PROM1: variants seen among roughly 807,000 people sequenced by gnomAD.
The protein encoded by PROM1 is prominin-1.
PROM1 carries 105 observed loss-of-function variants against 116.9 expected under a neutral mutation model. The ratio of observed to expected loss-of-function variants is 0.90; its 90% CI spans 0.77 to 1.06. The LOEUF (loss-of-function observed/expected upper bound fraction) is 1.06. PROM1 is among the 50% of genes least tolerant of loss of function. PROM1 has a pLI of 0.00. For synonymous variants in PROM1, 393 were observed against 387.0 expected (o/e 1.02, Z -0.18); for missense variants, 1,122 against 1,045.2 (o/e 1.07, Z -1.01).
At position 15,968,808 on chromosome 4, in the gene PROM1, G is replaced by A. The variant is rs185231288; in HGVS notation, c.*585C>T. 1 of 152,280 alleles carries A rather than the reference G, an allele frequency of 6.6e-6. No individual in the cohort carries two copies. The highest frequency in any genetic ancestry group is 1.5e-5 in the Non-Finnish European group (1 of 68,022). The allele number at this position is 152,280 out of a possible 1,614,324, so 9.4% of individuals were successfully genotyped here. On this transcript the variant is annotated 3_prime_UTR_variant, in exon 28 of 28. Transcript: ENST00000447510. ...ATGAAAATCTCTGCGTGAAGAATAT[G>A]CTGTAGGTTTCACACACTTTTAGTG...
At chr4:15,990,075 C>T (rs754093548) in intron 18 of PROM1, among the ~76,000 whole-genome samples, 5 of 152,170 alleles carry the variant, frequency 3.3e-5, no homozygotes, top group South Asian at 4.1e-4. Flanking sequence ...GTGTTCTCTC[C>T]ACCTCACCAT....
rs1371465257 is a variant in PROM1 at position 16,000,611 on chromosome 4, C to A, written c.1463G>T (p.Gly488Val). The A allele has an allele frequency of 4.5e-6, 7 of 1,562,592 alleles. No individual in the cohort carries two copies. The highest frequency in any genetic ancestry group is 6.1e-6 in the Non-Finnish European group (7 of 1,145,754). Residue 488 changes from glycine to valine, a missense_variant, in exon 14 of 28, where the codon GGA becomes GTA. Coordinates refer to ENST00000447510, the MANE Select transcript of PROM1 (RefSeq NM_006017.3). The part of the protein sequence containing the change: ...TGGVFLMVGV[G>V]LSFLFCWILM... ...TATCCAGCAAAAGAGGAAACTTAAT[C>A]CAACTCCACTGGAAAAAAATATAAA...
chr4:16,045,398 G>A (rs572735772), intron 2 of PROM1, among the ~76,000 whole-genome samples: 2 of 152,232 alleles, frequency 1.3e-5, no homozygotes, highest in South Asian at 2.1e-4. Flanking sequence ...TAGGTAGAGC[G>A]AGCCGCAGTC....
intron 15 of PROM1, among the ~76,000 whole-genome samples, chr4:15,994,483 TCTC>T (rs1418370302): frequency 6.6e-6 from 1 of 152,152 alleles, no homozygotes; most frequent in East Asian, 1.9e-4. Flanking sequence ...CAAGAACATT[TCTC>T]CTCTGTATTT....
At chr4:16,072,577 T>TA (rs1212495376) in intron 2 of PROM1, among the ~76,000 whole-genome samples, 1 of 152,254 alleles carries the variant, frequency 6.6e-6, no homozygotes, top group East Asian at 1.9e-4. Flanking sequence ...GGGAGGAACT[T>TA]AGTTTATAGT....
chr4:16,055,322 T>C, intron 2 of PROM1: 2 of 453,724 alleles, frequency 4.4e-6, no homozygotes, highest in South Asian at 3.1e-5. Flanking sequence ...ATCACTTGTG[T>C]GCTGAGATAA....
intron 1 of PROM1, chr4:16,083,110 G>C (rs549605862): frequency 1.3e-5 from 2 of 152,414 alleles, no homozygotes; most frequent in South Asian, 4.2e-4. Context: ...CGCTGTGGTC[G>C]GCTGCACAGT....
At chr4:15,994,921 C>A (rs541191209) in intron 15 of PROM1, among the ~76,000 whole-genome samples, 1 of 152,300 alleles carries the variant, frequency 6.6e-6, no homozygotes, top group Admixed American at 6.5e-5. Context: ...GCATGAACAA[C>A]CAGAGGTAAA....
chr4:16,054,426 A>T (rs938547950), intron 2 of PROM1, among the ~76,000 whole-genome samples: 2 of 152,202 alleles, frequency 1.3e-5, no homozygotes, highest in African/African-American at 4.8e-5. Flanking sequence ...CCTGGTTTAC[A>T]TCTGCTGTTC....
intron 2 of PROM1, among the ~76,000 whole-genome samples, chr4:16,058,625 C>A (rs1388470668): frequency 6.9e-6 from 1 of 145,444 alleles, no homozygotes; most frequent in Non-Finnish European, 1.5e-5. Flanking sequence ...CTAGCCTGGG[C>A]GACAGAATAA....
chr4:16,008,923 T>C, intron 12 of PROM1, 26 bp downstream of exon 12: 1 of 1,542,372 alleles, frequency 6.5e-7, no homozygotes, highest in Non-Finnish European at 8.9e-7. Flanking sequence ...ACTCTCGTAG[T>C]TCACCAGCTC....
In PROM1 at chr4:16,015,166, C is replaced by T. The variant is rs149262520; in HGVS notation, c.1077+1000G>A. Reference sequence around the variant, plus strand: ...TTCGAGACCAGCCTGGCCAACATGGCAAAACCCCATCTCTACTAAAAATAC... The same window carrying T: ...TTCGAGACCAGCCTGGCCAACATGGTAAAACCCCATCTCTACTAAAAATAC... On this transcript the variant is annotated intron_variant, in intron 10 of 27. Coordinates refer to ENST00000447510, the MANE Select transcript of PROM1 (RefSeq NM_006017.3). Among the ~76,000 whole-genome samples the T allele has an allele frequency of 3.5e-4, 52 of 147,808 alleles. No homozygotes were observed. The East Asian group carries it at 7.6e-3, about 21-fold the overall frequency.
intron 4 of PROM1, among the ~76,000 whole-genome samples, chr4:16,033,970 G>A (rs955829423): frequency 7.9e-5 from 12 of 152,068 alleles, no homozygotes; most frequent in African/African-American, 2.7e-4. Flanking sequence ...AGAGGAAGCA[G>A]AGAATTGAGT....
intron 2 of PROM1, among the ~76,000 whole-genome samples, chr4:16,068,763 C>T (rs1269018113): frequency 1.3e-5 from 2 of 152,144 alleles, no homozygotes; most frequent in African/African-American, 4.8e-5. Flanking sequence ...AGCTCTTATA[C>T]TCACTATAAC....
intron 1 of PROM1, among the ~76,000 whole-genome samples, chr4:16,083,060 G>C (rs1001863001): frequency 1.3e-5 from 2 of 151,968 alleles, no homozygotes; most frequent in Non-Finnish European, 2.9e-5. Context: ...CCACGGACGC[G>C]GGGAGATGGC....
At chr4:16,063,157 G>A (rs1740743165) in intron 2 of PROM1, among the ~76,000 whole-genome samples, 1 of 152,280 alleles carries the variant, frequency 6.6e-6, no homozygotes, top group Middle Eastern at 3.4e-3. Context: ...AAATGCAGTA[G>A]ACAGAGGAAC....
At chr4:15,995,326 GAA>G (rs1560433794) in intron 15 of PROM1, among the ~76,000 whole-genome samples, 1 of 86,188 alleles carries the variant, frequency 1.2e-5, no homozygotes, top group Non-Finnish European at 2.8e-5. Flanking sequence ...AAAAGAAGAA[GAA>G]GACGAAGAAG....
At chr4:16,072,371 C>A (rs781355294) in intron 2 of PROM1, among the ~76,000 whole-genome samples, 1 of 152,222 alleles carries the variant, frequency 6.6e-6, no homozygotes, top group Non-Finnish European at 1.5e-5. Flanking sequence ...GGCTCCAGGG[C>A]TGTCCCTATC....
intron 18 of PROM1, among the ~76,000 whole-genome samples, chr4:15,990,609 G>T (rs911726082): frequency 2.0e-5 from 3 of 152,174 alleles, no homozygotes; most frequent in African/African-American, 7.2e-5. Context: ...AAGTAGTGAG[G>T]GTGCCCGCAC....
Sources: gnomAD v4.1 joint callset for allele counts (sites outside exome capture counted in the v4.1 genomes callset) on GRCh38, gnomAD v4.1.1 for gene constraint, MANE v1.5 for transcripts, NCBI Gene and HGNC (gene_info 2026-07-23, HGNC 2026-07-21) for gene names.